The following FBXL17 variants were observed in gnomAD, a reference collection of about 807,000 sequenced individuals.
The protein encoded by FBXL17 is F-box and leucine rich repeat protein 17, also known as F-box/LRR-repeat protein 17.
Under a neutral mutation model 66.2 loss-of-function variants are expected in FBXL17, and 22 were observed. That is an observed-to-expected ratio of 0.33 (90% CI 0.24 to 0.47). FBXL17 has a LOEUF of 0.47. Among genes scored for constraint, FBXL17 ranks in the 20% least tolerant of loss-of-function variants. The pLI is 1.00. For synonymous variants in FBXL17, 474 were observed against 400.5 expected (o/e 1.18, Z -2.19); for missense variants, 878 against 948.2 (o/e 0.93, Z 0.97).
chr5:107,914,816 A>G (rs1479075652), intron 7 of FBXL17, among the ~76,000 whole-genome samples: 1 of 152,196 alleles, frequency 6.6e-6, no homozygotes, highest in Non-Finnish European at 1.5e-5. Flanking sequence ...GGAATTGGAG[A>G]AAAACAGAGC....
intron 6 of FBXL17, among the ~76,000 whole-genome samples, chr5:108,041,778 T>G (rs1664631764): frequency 6.6e-6 from 1 of 152,112 alleles, no homozygotes; most frequent in African/African-American, 2.4e-5. Flanking sequence ...TTGTGAAAAT[T>G]TCGAGAAATA....
intron 3 of FBXL17, among the ~76,000 whole-genome samples, chr5:108,359,906 A>G (rs898257001): frequency 5.3e-5 from 8 of 152,100 alleles, no homozygotes; most frequent in Non-Finnish European, 1.2e-4. Context: ...TCAAATGATT[A>G]ATGTACAACT....
intron 4 of FBXL17, among the ~76,000 whole-genome samples, chr5:108,328,594 T>C (rs1369546953): frequency 2.6e-5 from 4 of 151,992 alleles, no homozygotes; most frequent in Non-Finnish European, 5.9e-5. Flanking sequence ...TACACGCATG[T>C]TGGTATGTGT....
rs1164277026 is a variant in FBXL17 at position 108,367,909 on chromosome 5, T to C, written c.1038A>G (p.Ser346=). Residue 346 remains serine, a synonymous_variant, in exon 2 of 9, where the codon TCA becomes TCG. Transcript: ENST00000542267. The part of the protein sequence containing the change: ...LSLDERCLSA[S]LVCKYWRDLC... ...GGTCACGCCAGTACTTGCAAACCAA[T>C]GATGCGGAAAGGCAACGCTCATCCA... 3.2e-6 allele frequency: 5 copies of C among 1,550,970 alleles called. No individual in the cohort carries two copies. In the African/African-American group the frequency reaches 4.1e-5, roughly 13 times the overall value.
chr5:107,942,353 C>T (rs905828521), intron 7 of FBXL17, among the ~76,000 whole-genome samples: 5 of 152,146 alleles, frequency 3.3e-5, no homozygotes, highest in South Asian at 2.1e-4. Context: ...TTTTTTCAAA[C>T]GTGTGTGTTC....
chr5:108,304,219 G>A (rs563025071), intron 4 of FBXL17, among the ~76,000 whole-genome samples: 84 of 151,924 alleles, frequency 5.5e-4, no homozygotes, highest in African/African-American at 1.7e-3. Context: ...ATCTACTACC[G>A]TATAATTCTT....
rs1478315012 is a variant in FBXL17, at chr5:108,079,096, G to A, written c.1746-58095C>T. On this transcript the variant is annotated intron_variant, in intron 6 of 8. Coordinates refer to ENST00000542267, the MANE Select transcript of FBXL17 (RefSeq NM_001163315.3). ...ACTCCTGGGCTCAAGTGATCCTCCT[G>A]CCTCAGCCTCCCAAAGGGGTGGGAT... 4.6e-5 allele frequency among the ~76,000 whole-genome samples: 7 copies of A among 151,250 alleles called. No individual in the cohort carries two copies. The East Asian group carries it at 9.7e-4, about 21-fold the overall frequency.
chr5:108,208,898 G>C (rs1431286113), intron 5 of FBXL17, among the ~76,000 whole-genome samples: 1 of 152,072 alleles, frequency 6.6e-6, no homozygotes, highest in Non-Finnish European at 1.5e-5. Flanking sequence ...CAATTACTTT[G>C]GGCAGTATGG....
rs184436735 is a variant in FBXL17 at position 107,866,865 on chromosome 5, G to C, written c.1966-5005C>G. Among the ~76,000 whole-genome samples the C allele has an allele frequency of 2.0e-3, 300 of 152,238 alleles. 1 individual carries two copies. The highest frequency in any genetic ancestry group is 6.5e-3 in the African/African-American group (272 of 41,544). ...CAAGGAGAATTTCAGTCATCTCTTTGTTGTTAGTCCTATAGGCACTGTCTG... is the reference window on the plus strand; with the variant it reads ...CAAGGAGAATTTCAGTCATCTCTTTCTTGTTAGTCCTATAGGCACTGTCTG... On this transcript the variant is annotated intron_variant, in intron 8 of 8. Transcript: ENST00000542267.
At chr5:107,953,677 C>G (rs1173739939) in intron 7 of FBXL17, among the ~76,000 whole-genome samples, 1 of 152,190 alleles carries the variant, frequency 6.6e-6, no homozygotes, top group Non-Finnish European at 1.5e-5. Flanking sequence ...CATCTTTCTT[C>G]ACTAATGATG....
chr5:108,192,040 A>C (rs1389314575), intron 5 of FBXL17, among the ~76,000 whole-genome samples: 1 of 152,218 alleles, frequency 6.6e-6, no homozygotes, highest in African/African-American at 2.4e-5. Context: ...ATTACAAGAC[A>C]CAAAACTAGC....
At chr5:107,917,573 T>C (rs1393725991) in intron 7 of FBXL17, among the ~76,000 whole-genome samples, 3 of 152,216 alleles carry the variant, frequency 2.0e-5, no homozygotes, top group Non-Finnish European at 2.9e-5. Flanking sequence ...TCATTGACAC[T>C]AAATGACATA....
chr5:108,262,207 G>T (rs986382998), intron 4 of FBXL17, among the ~76,000 whole-genome samples: 1 of 151,662 alleles, frequency 6.6e-6, no homozygotes, highest in Admixed American at 6.6e-5. Flanking sequence ...CTCCCAAATA[G>T]CTAGGACTAC....
chr5:108,183,475 T>G (rs1461540433), intron 6 of FBXL17, among the ~76,000 whole-genome samples: 1 of 152,242 alleles, frequency 6.6e-6, no homozygotes, highest in Non-Finnish European at 1.5e-5. Flanking sequence ...AAGATTACTT[T>G]AAATTTTCTA....
intron 4 of FBXL17, among the ~76,000 whole-genome samples, chr5:108,260,696 G>T (rs999763065): frequency 1.3e-5 from 2 of 152,184 alleles, no homozygotes; most frequent in Admixed American, 6.5e-5. Flanking sequence ...GCTCACAAAA[G>T]GAAACTGTAT....
chr5:108,212,112 A>G (rs752592976), intron 5 of FBXL17, among the ~76,000 whole-genome samples: 1 of 152,058 alleles, frequency 6.6e-6, no homozygotes, highest in Non-Finnish European at 1.5e-5. Context: ...CCACTTGATC[A>G]GTTCAGCTAT....
chr5:107,904,544 T>C (rs752814134), intron 7 of FBXL17, among the ~76,000 whole-genome samples: 19 of 152,126 alleles, frequency 1.2e-4, no homozygotes, highest in Non-Finnish European at 1.8e-4. Flanking sequence ...ATACCAAGCA[T>C]ATTTAAAAGA....
intron 4 of FBXL17, among the ~76,000 whole-genome samples, chr5:108,279,600 C>A (rs1213358968): frequency 3.3e-5 from 5 of 149,916 alleles, no homozygotes; most frequent in African/African-American, 1.2e-4. Context: ...CACAATAATT[C>A]TCTACCAATA....
chr5:108,278,568 G>A (rs904314695), intron 4 of FBXL17, among the ~76,000 whole-genome samples: 1 of 152,184 alleles, frequency 6.6e-6, no homozygotes, highest in Non-Finnish European at 1.5e-5. Context: ...AGCTTGGCAG[G>A]GGCTCCAATG....
Sources: allele counts gnomAD v4.1 joint callset (sites outside exome capture counted in the v4.1 genomes callset), GRCh38; gene constraint gnomAD v4.1.1; transcripts MANE v1.5; gene names NCBI Gene and HGNC (gene_info 2026-07-23, HGNC 2026-07-21).